CABLES2: variants seen among roughly 807,000 people sequenced by gnomAD.
The protein encoded by CABLES2 is CDK5 and ABL1 enzyme substrate 2.
Under a neutral mutation model 44.8 loss-of-function variants are expected in CABLES2, and 35 were observed. The ratio of observed to expected loss-of-function variants is 0.78; its 90% confidence interval spans 0.60 to 1.04. The LOEUF (loss-of-function observed/expected upper bound fraction) is 1.04. Among genes scored for constraint, CABLES2 ranks in the 50% least tolerant of loss-of-function variants. The pLI is 0.00. For missense variants in CABLES2, 566 were observed against 615.7 expected, an observed-to-expected ratio of 0.92 and a Z score of 0.85; for synonymous variants, 282 against 281.1, an observed-to-expected ratio of 1.00 and a Z score of -0.03.
At position 62,390,937 on chromosome 20, in the gene CABLES2, A is replaced by G; in HGVS notation, c.*34T>C. On this transcript the variant is annotated 3_prime_UTR_variant, in exon 10 of 10. Coordinates refer to ENST00000279101, the MANE Select transcript of CABLES2 (RefSeq NM_031215.3). ...GGACACCTCCCAGGCCGGCAAGTGC[A>G]CCTCGGTGCCCTGAGCCTTCTGTGG... 1 of 1,608,010 alleles carries G rather than the reference A, an allele frequency of 6.2e-7. No individual in the cohort carries two copies. Among genetic ancestry groups the G allele is most frequent in the Non-Finnish European group, 8.5e-7 (1 of 1,175,270 alleles).
At position 62,394,380 on chromosome 20, in the gene CABLES2, C is replaced by G. The variant is rs1987977357; in HGVS notation, c.606-115G>C. The stretch of plus-strand genomic sequence containing the variant: ...CTCGGGAACAATGTCAGCACAGCCC[C>G]TCGGGAAAGAAAGGCGGCACTGGTG... On this transcript the variant is annotated intron_variant, in intron 4 of 9. Coordinates refer to ENST00000279101, the MANE Select transcript of CABLES2 (RefSeq NM_031215.3). 9.2e-6 allele frequency: 7 copies of G among 763,902 alleles called. No individual in the cohort carries two copies. The South Asian group carries it at 9.3e-5, about 10-fold the overall frequency. The allele number at this position is 763,902 out of a possible 1,614,324, so 47.3% of individuals were successfully genotyped here. A position where few individuals can be genotyped will look rare whatever the true frequency, so the allele number is the denominator to read the frequency against.
intron 1 of CABLES2, 48 bp downstream of exon 1, chr20:62,406,867 G>T: frequency 9.3e-7 from 1 of 1,073,620 alleles, no homozygotes; most frequent in Non-Finnish European, 1.2e-6. Context: ...CCCCGTCCCC[G>T]TCCCTGTACC....
intron 3 of CABLES2, among the ~76,000 whole-genome samples, chr20:62,395,327 G>C (rs944792253): frequency 6.6e-6 from 1 of 152,232 alleles, no homozygotes; most frequent in Non-Finnish European, 1.5e-5. Flanking sequence ...GTGCGGGTAG[G>C]GCTGGCGGCC....
At position 62,396,113 on chromosome 20, in the gene CABLES2, T is replaced by G. The variant is rs571712537; in HGVS notation, c.527+202A>C. ...GAGCCCAGAGAGGGTGATCTCGCTGTGGTGACACCAGGGACCTGCGGGTGC... is the reference window on the plus strand; with the variant it reads ...GAGCCCAGAGAGGGTGATCTCGCTGGGGTGACACCAGGGACCTGCGGGTGC... On this transcript the variant is annotated intron_variant, in intron 3 of 9. Coordinates refer to ENST00000279101, the MANE Select transcript of CABLES2 (RefSeq NM_031215.3). This position sits in a 1 kb window ranked among gnomAD's most constrained non-coding sequence, Gnocchi z 5.7. Among the ~76,000 whole-genome samples the G allele has an allele frequency of 5.1e-4, 78 of 152,264 alleles. No individual in the cohort carries two copies. In the South Asian group the frequency reaches 0.016, roughly 32 times the overall value.
chr20:62,392,188 G>A (rs1987931082), intron 8 of CABLES2, among the ~76,000 whole-genome samples: 2 of 151,382 alleles, frequency 1.3e-5, no homozygotes, highest in African/African-American at 4.9e-5. Flanking sequence ...GGGATGCAGT[G>A]TGATGGGGCC....
chr20:62,401,384 C>T (rs1022178918), intron 1 of CABLES2, among the ~76,000 whole-genome samples: 3 of 152,330 alleles, frequency 2.0e-5, no homozygotes, highest in East Asian at 1.9e-4. Flanking sequence ...TGCAACTCCA[C>T]GCATCACCGC....
At chr20:62,397,970 GACA>G (rs60131803) in intron 1 of CABLES2, among the ~76,000 whole-genome samples, 22 of 99,924 alleles carry the variant, frequency 2.2e-4, no homozygotes, top group Middle Eastern at 5.0e-3. Context: ...TGATGGTGGT[GACA>G]GTGGTGATGG....
intron 7 of CABLES2, 139 bp from the exon 8 acceptor site, chr20:62,392,634 G>A (rs1987940615): frequency 7.2e-6 from 5 of 697,980 alleles, no homozygotes; most frequent in Middle Eastern, 3.6e-4. Flanking sequence ...GAATCTCTGA[G>A]AACAAAATGG....
At position 62,390,884 on chromosome 20, in the gene CABLES2, T is replaced by C; in HGVS notation, c.*87A>G. The C allele has an allele frequency of 2.0e-6, 3 of 1,533,510 alleles. No homozygotes were observed. The highest frequency in any genetic ancestry group is 2.7e-6 in the Non-Finnish European group (3 of 1,119,372). The allele number at this position is 1,533,510 out of a possible 1,614,324, so 95.0% of individuals were successfully genotyped here. On this transcript the variant is annotated 3_prime_UTR_variant, in exon 10 of 10. Transcript: ENST00000279101. ...TCCTGCTAGCAGGTGCTGGGGGTGC[T>C]GGCAGGAGGAGGCGCGGGGCTTCAG...
rs2146417159 is a variant in CABLES2 at position 62,391,134 on chromosome 20, G to A, written c.1297-23C>T. 1 of 1,611,934 alleles carries A rather than the reference G, an allele frequency of 6.2e-7. No individual in the cohort carries two copies. Among genetic ancestry groups the A allele is most frequent in the Non-Finnish European group, 8.5e-7 (1 of 1,178,260 alleles). On this transcript the variant is annotated intron_variant, in intron 9 of 9. Transcript: ENST00000279101. This position sits in a 1 kb window ranked among gnomAD's most constrained non-coding sequence, Gnocchi z 5.7. Reference sequence around the variant, plus strand: ...CTTCTGCAGGGGAGAAGAGAGAAGGGTTACACGGGAGCCTTCCCTCTTCCA... The same window carrying A: ...CTTCTGCAGGGGAGAAGAGAGAAGGATTACACGGGAGCCTTCCCTCTTCCA...
intron 1 of CABLES2, among the ~76,000 whole-genome samples, chr20:62,398,307 C>T (rs370468408): frequency 5.9e-5 from 6 of 102,332 alleles, no homozygotes; most frequent in Admixed American, 2.8e-4. Flanking sequence ...ATGGTGATGA[C>T]GGTGGTGATG....
chr20:62,392,863 C>T (rs1987944751), intron 7 of CABLES2, 57 bp downstream of exon 7: 18 of 1,512,378 alleles, frequency 1.2e-5, no homozygotes, highest in African/African-American at 1.4e-5. Context: ...CCCACACGCC[C>T]CGAGCCAGGA....
intron 8 of CABLES2, among the ~76,000 whole-genome samples, 194 bp downstream of exon 8, chr20:62,392,195 G>A (rs1280591837): frequency 6.6e-6 from 1 of 151,348 alleles, no homozygotes; most frequent in African/African-American, 2.4e-5. Context: ...AGTGTGATGG[G>A]GCCACGGGGG....
chr20:62,395,634 G>A (rs549735886), intron 3 of CABLES2, among the ~76,000 whole-genome samples: 1 of 152,264 alleles, frequency 6.6e-6, no homozygotes, highest in Non-Finnish European at 1.5e-5. Flanking sequence ...ACAACAGTGG[G>A]AGAACTTCTC....
intron 1 of CABLES2, among the ~76,000 whole-genome samples, chr20:62,397,953 G>A (rs983253682): frequency 0.031 from 673 of 21,712 alleles, 13 homozygotes; most frequent in Non-Finnish European, 0.042. Context: ...GGTGACGGTA[G>A]TGGTGGTGAT....
intron 1 of CABLES2, among the ~76,000 whole-genome samples, chr20:62,400,250 G>A (rs1988163519): frequency 6.6e-6 from 1 of 152,120 alleles, no homozygotes; most frequent in East Asian, 1.9e-4. Flanking sequence ...GGATGCGGTG[G>A]GCTGGCCTGC....
chr20:62,397,846 C>A (rs1988046249), intron 1 of CABLES2, among the ~76,000 whole-genome samples: 3 of 149,722 alleles, frequency 2.0e-5, no homozygotes, highest in African/African-American at 7.3e-5. Flanking sequence ...CCTGCCTGCC[C>A]TGCAGGGCTG....
At chr20:62,399,581 T>TG (rs1480580052) in intron 1 of CABLES2, among the ~76,000 whole-genome samples, 3 of 136,726 alleles carry the variant, frequency 2.2e-5, no homozygotes, top group Non-Finnish European at 4.7e-5. Flanking sequence ...CGACTGATGA[T>TG]GGGGTCAGGT....
In CABLES2 at chr20:62,394,948, G is replaced by A. The variant is rs1987989987; in HGVS notation, c.594C>T (p.Gly198=). 6.2e-7 allele frequency: 1 copy of A among 1,612,826 alleles called. No homozygotes were observed. Among genetic ancestry groups the A allele is most frequent in the African/African-American group, 1.3e-5 (1 of 75,070 alleles). ...CGCTGAGTACTCACCTGATCCGCAG[G>A]CCTTCCCCATAGGGCAGGACCGAGA... ...AAFSVLPYGE[G]LRISDLRVDS... The change falls in exon 4 of 10, where the codon GGC becomes GGT. Residue 198 remains glycine (G), a synonymous_variant. Transcript: ENST00000279101.
Sources: allele counts gnomAD v4.1 joint callset (sites outside exome capture counted in the v4.1 genomes callset), GRCh38; gene constraint gnomAD v4.1.1; non-coding constraint Gnocchi (gnomAD v3.1); transcripts MANE v1.5; gene names NCBI Gene and HGNC (gene_info 2026-07-23, HGNC 2026-07-21).